Variants in DENND2A observed in about 807,000 individuals in gnomAD.
DENND2A encodes DENN domain-containing protein 2A.
In DENND2A, 53 loss-of-function variants were observed where a neutral mutation model predicts 105.3. The ratio of observed to expected loss-of-function variants is 0.50; its 90% CI spans 0.40 to 0.63. The LOEUF (loss-of-function observed/expected upper bound fraction) is 0.63, where lower values mean the gene tolerates loss of function less well. DENND2A is among the 30% of genes least tolerant of loss of function. The pLI is 0.00. For missense variants in DENND2A, 1,138 were observed against 1,279.6 expected (o/e 0.89, Z 1.69); for synonymous variants, 522 against 508.4 (o/e 1.03, Z -0.36).
chr7:140,570,487 G>T (rs535386475), intron 6 of DENND2A, among the ~76,000 whole-genome samples: 2 of 152,338 alleles, frequency 1.3e-5, no homozygotes, highest in African/African-American at 4.8e-5. Context: ...AAGAATGTCA[G>T]AGCAGCCCTG....
chr7:140,573,710 G>C, intron 6 of DENND2A, 98 bp downstream of exon 6: 3 of 1,344,462 alleles, frequency 2.2e-6, no homozygotes, highest in Non-Finnish European at 3.1e-6. Flanking sequence ...GGTGGGAGAG[G>C]GGCCAGTGAT....
At chr7:140,567,340 GAGAGAC>G (rs1289973753) in intron 8 of DENND2A, 67 bp from the exon 9 acceptor site, 80 of 1,279,890 alleles carry the variant, frequency 6.3e-5, no homozygotes, top group East Asian at 5.6e-4. Flanking sequence ...GAGAGAGAGA[GAGAGAC>G]AGAGTGAGCA....
intron 8 of DENND2A, among the ~76,000 whole-genome samples, chr7:140,567,520 C>T (rs536692544): frequency 6.6e-6 from 1 of 152,298 alleles, no homozygotes; most frequent in African/African-American, 2.4e-5. Flanking sequence ...TCTGGGAGAA[C>T]CAACATTCAG....
chr7:140,531,635 C>A (rs1211263347), intron 14 of DENND2A, among the ~76,000 whole-genome samples: 1 of 151,374 alleles, frequency 6.6e-6, no homozygotes, highest in Non-Finnish European at 1.5e-5. Context: ...CCCGTCTCTA[C>A]TAAAAATACA....
intron 19 of DENND2A, among the ~76,000 whole-genome samples, 170 bp downstream of exon 19, chr7:140,519,462 T>C (rs1585535590): frequency 6.6e-6 from 1 of 152,116 alleles, no homozygotes; most frequent in East Asian, 1.9e-4. Flanking sequence ...TGTTTTCTCT[T>C]TGGGGACAGA....
At chr7:140,617,496 G>C (rs1051991034) in intron 1 of DENND2A, among the ~76,000 whole-genome samples, 3 of 152,054 alleles carry the variant, frequency 2.0e-5, no homozygotes, top group African/African-American at 7.2e-5. Flanking sequence ...AGGCCGAGGC[G>C]GGTGGATCAC....
At chr7:140,585,779 G>A in intron 4 of DENND2A, 69 bp from the exon 5 acceptor site, 3 of 1,606,698 alleles carry the variant, frequency 1.9e-6, no homozygotes, top group East Asian at 2.2e-5. Flanking sequence ...AAACACTGAG[G>A]TCAGTATCTT....
At chr7:140,618,168 G>A (rs987437694) in intron 1 of DENND2A, among the ~76,000 whole-genome samples, 5 of 152,162 alleles carry the variant, frequency 3.3e-5, no homozygotes, top group Non-Finnish European at 7.3e-5. Context: ...AGGCTAGTAT[G>A]AGTTTGCCAT....
intron 12 of DENND2A, among the ~76,000 whole-genome samples, chr7:140,548,685 C>G (rs1400298281): frequency 2.0e-5 from 3 of 151,582 alleles, no homozygotes; most frequent in Non-Finnish European, 4.4e-5. Flanking sequence ...ATGATCTCGG[C>G]TCACTGCAAC....
chr7:140,588,282 C>G (rs1798870092), intron 3 of DENND2A, among the ~76,000 whole-genome samples: 1 of 152,064 alleles, frequency 6.6e-6, no homozygotes, highest in African/African-American at 2.4e-5. Flanking sequence ...AATGTTCATG[C>G]TATTATGCTA....
chr7:140,536,619 G>A (rs1276949780), intron 14 of DENND2A, among the ~76,000 whole-genome samples: 5 of 152,060 alleles, frequency 3.3e-5, no homozygotes, highest in Non-Finnish European at 7.4e-5. Context: ...GCAAAAATAG[G>A]TGGTTAATAC....
At chr7:140,640,938 G>A (rs1472016244), upstream of DENND2A, among the ~76,000 whole-genome samples, 1 of 150,950 alleles carries the variant, frequency 6.6e-6, no homozygotes, top group African/African-American at 2.4e-5. This position sits in a 1 kb window ranked among gnomAD's most constrained non-coding sequence, Gnocchi z 4.9. Context: ...GCGGAGCTGC[G>A]GTAAACAGGA....
intron 1 of DENND2A, among the ~76,000 whole-genome samples, chr7:140,632,375 G>GAAAGGTGGTGGGAGATAGAC (rs1800762027): frequency 6.6e-6 from 1 of 152,084 alleles, no homozygotes; most frequent in African/African-American, 2.4e-5. Context: ...ATGTGGATAA[G>GAAAGGTGGTGGGAGATAGAC]AAAGGTGGTG....
chr7:140,537,635 GTC>G (rs1796496413), intron 14 of DENND2A, among the ~76,000 whole-genome samples: 1 of 151,622 alleles, frequency 6.6e-6, no homozygotes, highest in Non-Finnish European at 1.5e-5. Context: ...TAAAAACTTT[GTC>G]CCCTATTAAG....
intron 4 of DENND2A, among the ~76,000 whole-genome samples, chr7:140,586,346 C>T (rs1798778324): frequency 6.7e-6 from 1 of 149,432 alleles, no homozygotes; most frequent in Admixed American, 6.8e-5. Context: ...TGGGAAAACC[C>T]CGTCCCTCCT....
chr7:140,621,722 T>C (rs983064473), intron 1 of DENND2A, among the ~76,000 whole-genome samples: 3 of 152,190 alleles, frequency 2.0e-5, no homozygotes, highest in Admixed American at 6.5e-5. Flanking sequence ...ACAGTTTCCA[T>C]TCTCATACAG....
At chr7:140,583,452 C>T (rs1798627484) in intron 5 of DENND2A, among the ~76,000 whole-genome samples, 1 of 150,108 alleles carries the variant, frequency 6.7e-6, no homozygotes, top group Non-Finnish European at 1.5e-5. Context: ...AACTGGGCCT[C>T]AGAGGATGGG....
chr7:140,522,186 A>C, intron 17 of DENND2A, 86 bp from the exon 18 acceptor site: 1 of 1,529,870 alleles, frequency 6.5e-7, no homozygotes, highest in Non-Finnish European at 8.9e-7. Flanking sequence ...GTAATCAAAG[A>C]ACAGTAACTG....
chr7:140,583,792 G>A (rs986729668), intron 5 of DENND2A, among the ~76,000 whole-genome samples: 2 of 149,206 alleles, frequency 1.3e-5, no homozygotes, highest in South Asian at 2.1e-4. Flanking sequence ...CAGGCGTGGT[G>A]GCGGGCGCCT....
Sources: gnomAD v4.1 joint callset for allele counts (sites outside exome capture counted in the v4.1 genomes callset) on GRCh38, gnomAD v4.1.1 for gene constraint, Gnocchi (gnomAD v3.1) non-coding constraint, MANE v1.5 for transcripts, NCBI Gene and HGNC (gene_info 2026-07-23, HGNC 2026-07-21) for gene names.